ZNF536: variants seen among roughly 807,000 people sequenced by gnomAD.
ZNF536 encodes zinc finger protein 536.
In ZNF536, 13 loss-of-function variants were observed where a neutral mutation model predicts 84.5. The observed-to-expected ratio is 0.15, with a 90% CI of 0.10 to 0.24. The LOEUF is 0.24. ZNF536 is among the 10% of genes least tolerant of loss of function. The probability of loss-of-function intolerance (pLI) is 1.00; values close to 1 mark genes in which losing one functional copy is unlikely to be tolerated. For synonymous variants in ZNF536, 811 were observed against 742.5 expected (o/e 1.09, Z -1.50); for missense variants, 1,536 against 1,747.5 (o/e 0.88, Z 2.16).
At position 30,607,006 on chromosome 19, in the gene ZNF536, GA is replaced by G. The variant is rs1271425199; in HGVS notation, c.169+57493del. Among the ~76,000 whole-genome samples, 10 of 152,222 alleles carry G rather than the reference GA, an allele frequency of 6.6e-5. No individual in the cohort carries two copies. In the South Asian group the frequency reaches 2.1e-3, roughly 32 times the overall value. On this transcript the variant is annotated intron_variant, in intron 1 of 1. Coordinates refer to the ZNF536 transcript ENST00000592773. ...AATGTGTGTGAAGGCTGGCTCTCACGACCCCAGGCCATGCCATTGTACCAAC... is the reference window on the plus strand; with the variant it reads ...AATGTGTGTGAAGGCTGGCTCTCACGCCCCAGGCCATGCCATTGTACCAAC...
At chr19:30,304,399 T>C (rs1184741416) in intron 2 of ZNF536, among the ~76,000 whole-genome samples, 1 of 152,202 alleles carries the variant, frequency 6.6e-6, no homozygotes, top group African/African-American at 2.4e-5. Context: ...CAGAAGCCTT[T>C]GATGGGAGGG....
intron 1 of ZNF536, among the ~76,000 whole-genome samples, chr19:30,684,840 A>G (rs899118285): frequency 7.2e-5 from 11 of 152,184 alleles, no homozygotes; most frequent in African/African-American, 2.7e-4. Flanking sequence ...CCCGGGCTGA[A>G]CAGCCAAGGG....
At chr19:30,327,060 GTGAGCCTTGAT>G (rs1195203089) in intron 2 of ZNF536, among the ~76,000 whole-genome samples, 1 of 152,034 alleles carries the variant, frequency 6.6e-6, no homozygotes, top group Non-Finnish European at 1.5e-5. Context: ...GGAGGCTGCA[GTGAGCCTTGAT>G]TGCACCACTG....
At chr19:30,443,146 ATTTGGTC>A (rs201282395) in intron 1 of ZNF536, among the ~76,000 whole-genome samples, 1,723 of 150,554 alleles carry the variant, frequency 0.011, 12 homozygotes, top group Non-Finnish European at 0.016. Context: ...AAGTGGGTTT[ATTTGGTC>A]TTACAGGGAA....
intron 1 of ZNF536, among the ~76,000 whole-genome samples, chr19:30,691,093 G>A (rs182660406): frequency 1.6e-3 from 242 of 152,248 alleles, no homozygotes; most frequent in Non-Finnish European, 2.7e-3. Flanking sequence ...GAGGTGGGGA[G>A]GGAGATTTGT....
chr19:30,319,208 G>A (rs2046777906), intron 2 of ZNF536, among the ~76,000 whole-genome samples: 1 of 152,228 alleles, frequency 6.6e-6, no homozygotes, highest in East Asian at 1.9e-4. Flanking sequence ...GAGATGCCGG[G>A]AAGTTGGGGA....
chr19:30,696,267 G>A (rs1185266594), intron 1 of ZNF536, among the ~76,000 whole-genome samples: 1 of 152,142 alleles, frequency 6.6e-6, no homozygotes, highest in Non-Finnish European at 1.5e-5. Context: ...GAGGAGTGAG[G>A]TGGGCCACCA....
intron 1 of ZNF536, among the ~76,000 whole-genome samples, chr19:30,620,133 C>G (rs752011369): frequency 1.7e-4 from 26 of 151,812 alleles, no homozygotes; most frequent in South Asian, 8.3e-4. Flanking sequence ...TGACACTCAG[C>G]CAGACTCTTA....
chr19:30,568,662 G>T (rs2046435407), intron 1 of ZNF536, among the ~76,000 whole-genome samples: 1 of 152,212 alleles, frequency 6.6e-6, no homozygotes, highest in African/African-American at 2.4e-5. Flanking sequence ...AATCTGCTGA[G>T]CTTTTCATTG....
intron 2 of ZNF536, among the ~76,000 whole-genome samples, chr19:30,313,896 C>T (rs1183933141): frequency 3.9e-5 from 6 of 152,210 alleles, no homozygotes; most frequent in African/African-American, 9.6e-5. Flanking sequence ...CCCTGTCCCT[C>T]GCTCCGCACT....
chr19:30,472,370 A>G (rs2053673314), intron 2 of ZNF536, among the ~76,000 whole-genome samples: 1 of 152,192 alleles, frequency 6.6e-6, no homozygotes, highest in Non-Finnish European at 1.5e-5. Context: ...TAGGCTTGTA[A>G]CATTGCCATC....
At chr19:30,276,995 G>T (rs1457755735) in intron 1 of ZNF536, among the ~76,000 whole-genome samples, 1 of 152,114 alleles carries the variant, frequency 6.6e-6, no homozygotes, top group African/African-American at 2.4e-5. Context: ...TCAGGGAAAT[G>T]ATTAAAAATT....
intron 3 of ZNF536, among the ~76,000 whole-genome samples, chr19:30,361,077 G>A (rs1024161956): frequency 6.6e-6 from 1 of 152,000 alleles, no homozygotes; most frequent in Non-Finnish European, 1.5e-5. Context: ...CCCTCCCTCC[G>A]TGACCTGAAG....
At chr19:30,423,136 T>TG in intron 1 of ZNF536, among the ~76,000 whole-genome samples, 1 of 139,976 alleles carries the variant, frequency 7.1e-6, no homozygotes, top group Non-Finnish European at 1.5e-5. Context: ...CATCCATCCA[T>TG]CCATCCATCC....
intron 2 of ZNF536, among the ~76,000 whole-genome samples, chr19:30,461,435 G>T (rs570230532): frequency 1.3e-5 from 2 of 152,130 alleles, no homozygotes; most frequent in Non-Finnish European, 2.9e-5. Flanking sequence ...GAGTCATCCC[G>T]ACATCCCTTC....
intron 2 of ZNF536, among the ~76,000 whole-genome samples, chr19:30,510,545 T>A (rs2055366052): frequency 6.6e-6 from 1 of 152,210 alleles, no homozygotes; most frequent in African/African-American, 2.4e-5. Context: ...GGAAGGCAGG[T>A]GGCAATGAGT....
At chr19:30,607,998 A>T (rs2047959031) in intron 1 of ZNF536, among the ~76,000 whole-genome samples, 1 of 152,180 alleles carries the variant, frequency 6.6e-6, no homozygotes, top group Non-Finnish European at 1.5e-5. Flanking sequence ...CCTGGTATTG[A>T]TGCTTACCCA....
chr19:30,320,619 C>T (rs79003614), intron 2 of ZNF536, among the ~76,000 whole-genome samples: 2,121 of 152,228 alleles, frequency 0.014, 22 homozygotes, highest in Non-Finnish European at 0.021. Flanking sequence ...ACGGAGCCCC[C>T]GTCAGAGAGC....
chr19:30,234,069 G>T (rs1785769353), intron 1 of ZNF536, among the ~76,000 whole-genome samples: 1 of 152,210 alleles, frequency 6.6e-6, no homozygotes, highest in African/African-American at 2.4e-5. Flanking sequence ...ATGCAGGAAG[G>T]AAAGTCAGTC....
Sources: gnomAD v4.1 joint callset for allele counts (sites outside exome capture counted in the v4.1 genomes callset) on GRCh38, gnomAD v4.1.1 for gene constraint, MANE v1.5 for transcripts, NCBI Gene and HGNC (gene_info 2026-07-23, HGNC 2026-07-21) for gene names.